CNTNAP2: variants seen among roughly 807,000 people sequenced by gnomAD.
CNTNAP2 encodes the protein contactin-associated protein-like 2.
CNTNAP2 carries 98 observed loss-of-function variants against 155.2 expected under a neutral mutation model. The ratio of observed to expected loss-of-function variants is 0.63; its 90% CI spans 0.54 to 0.75. The LOEUF (loss-of-function observed/expected upper bound fraction) is 0.75. Among genes scored for constraint, CNTNAP2 ranks in the 30% least tolerant of loss-of-function variants. The pLI, the probability that CNTNAP2 is intolerant of heterozygous loss-of-function variation, is 0.00. For missense variants in CNTNAP2, 1,727 were observed against 1,688.1 expected, an observed-to-expected ratio of 1.02 and a Z score of -0.40; for synonymous variants, 651 against 631.2, an observed-to-expected ratio of 1.03 and a Z score of -0.47.
intron 22 of CNTNAP2, among the ~76,000 whole-genome samples, chr7:148,385,743 T>TTTGTTTGTTTGTTTGTTTG (rs1433263286): frequency 9.5e-4 from 64 of 67,342 alleles, no homozygotes; most frequent in African/African-American, 3.0e-3. Flanking sequence ...CAGGTTTTTT[T>TTTGTTTGTTTGTTTGTTTG]TTTTTTTTTT....
chr7:146,525,273 A>G (rs1477290100), intron 1 of CNTNAP2, among the ~76,000 whole-genome samples: 2 of 152,082 alleles, frequency 1.3e-5, no homozygotes, highest in Admixed American at 6.6e-5. Context: ...AAAGAAATGA[A>G]GTTTTTTTCT....
intron 1 of CNTNAP2, among the ~76,000 whole-genome samples, chr7:146,518,935 C>T (rs1440969681): frequency 6.6e-6 from 1 of 151,900 alleles, no homozygotes; most frequent in Non-Finnish European, 1.5e-5. Flanking sequence ...CATGGAATGA[C>T]TTTCTTTAAC....
chr7:147,853,551 G>A (rs999772251), intron 13 of CNTNAP2, among the ~76,000 whole-genome samples: 1 of 152,270 alleles, frequency 6.6e-6, no homozygotes. Context: ...TAAATTAGAA[G>A]CTCGATTATA....
intron 20 of CNTNAP2, among the ~76,000 whole-genome samples, chr7:148,253,036 A>AGACAGAT (rs775906992): frequency 0.086 from 9,619 of 111,876 alleles, 418 homozygotes; most frequent in Admixed American, 0.15. Flanking sequence ...ATAGATAGAT[A>AGACAGAT]GATAGATAGA....
intron 1 of CNTNAP2, among the ~76,000 whole-genome samples, chr7:146,725,328 C>A (rs1030471264): frequency 7.9e-5 from 12 of 152,126 alleles, no homozygotes; most frequent in African/African-American, 2.9e-4. Context: ...GACATTATAA[C>A]AGTGAGAAAA....
chr7:147,170,340 G>T (rs1460238899), intron 8 of CNTNAP2, among the ~76,000 whole-genome samples: 1 of 152,058 alleles, frequency 6.6e-6, no homozygotes, highest in African/African-American at 2.4e-5. Context: ...TGAAGTGTGA[G>T]GGGGAGAGGG....
intron 11 of CNTNAP2, among the ~76,000 whole-genome samples, chr7:147,504,357 C>T (rs1798869338): frequency 6.6e-6 from 1 of 152,088 alleles, no homozygotes; most frequent in Non-Finnish European, 1.5e-5. Context: ...ATCATTTATT[C>T]TAGCTACCTC....
chr7:147,390,194 T>G (rs1796686621), intron 9 of CNTNAP2, among the ~76,000 whole-genome samples: 1 of 152,208 alleles, frequency 6.6e-6, no homozygotes, highest in African/African-American at 2.4e-5. Context: ...CATTGTTGAC[T>G]AAGGGAACTG....
intron 14 of CNTNAP2, among the ~76,000 whole-genome samples, chr7:147,940,738 T>C (rs144144215): frequency 2.6e-3 from 400 of 152,178 alleles, no homozygotes; most frequent in African/African-American, 9.1e-3. Flanking sequence ...ATCTCCCTGT[T>C]GCCCAGGATG....
chr7:147,249,529 TTAAA>T (rs1168780984), intron 8 of CNTNAP2, among the ~76,000 whole-genome samples: 2 of 133,758 alleles, frequency 1.5e-5, no homozygotes, highest in Admixed American at 8.4e-5. Context: ...GGTCTCTTGA[TTAAA>T]AAGAAACCAC....
chr7:147,271,570 G>T (rs931548000), intron 8 of CNTNAP2, among the ~76,000 whole-genome samples: 2 of 152,160 alleles, frequency 1.3e-5, no homozygotes, highest in African/African-American at 4.8e-5. Context: ...GAGGCTTAAT[G>T]GACTTATAGT....
At chr7:146,313,342 C>T (rs1220138027) in intron 1 of CNTNAP2, among the ~76,000 whole-genome samples, 1 of 152,120 alleles carries the variant, frequency 6.6e-6, no homozygotes, top group Non-Finnish European at 1.5e-5. Context: ...ATCTATTGGC[C>T]ATTCATATCT....
chr7:148,264,977 G>C (rs775132384), intron 20 of CNTNAP2, among the ~76,000 whole-genome samples: 6 of 152,226 alleles, frequency 3.9e-5, no homozygotes, highest in African/African-American at 1.4e-4. Context: ...ACAGGCGTAA[G>C]CCACTGCCCT....
chr7:147,195,138 C>T lies in CNTNAP2; in HGVS notation c.1348+62629C>T, dbSNP rs80229407. Among the ~76,000 whole-genome samples the T allele has an allele frequency of 4.5e-4, 68 of 152,198 alleles. No homozygotes were observed. The East Asian group carries it at 0.013, about 29-fold the overall frequency. On this transcript the variant is annotated intron_variant, in intron 8 of 23. Transcript: ENST00000361727. Reference sequence around the variant, plus strand: ...CAGTCCAGTTTCGGTTTTCTGCATACAGCTAGCCGGTTTTCCCATTACCAT... The same window carrying T: ...CAGTCCAGTTTCGGTTTTCTGCATATAGCTAGCCGGTTTTCCCATTACCAT...
chr7:147,962,444 AGATG>A (rs1801132406), intron 14 of CNTNAP2, among the ~76,000 whole-genome samples: 2 of 152,182 alleles, frequency 1.3e-5, no homozygotes, highest in Middle Eastern at 3.2e-3. Context: ...TTCCTGTTAT[AGATG>A]GAAATCATCC....
chr7:147,997,841 C>T (rs1801833076), intron 15 of CNTNAP2, among the ~76,000 whole-genome samples: 1 of 151,948 alleles, frequency 6.6e-6, no homozygotes, highest in Non-Finnish European at 1.5e-5. Context: ...GCGCAGTAGC[C>T]GCACATGCGT....
chr7:146,538,265 C>T (rs1342535650), intron 1 of CNTNAP2, among the ~76,000 whole-genome samples: 1 of 152,104 alleles, frequency 6.6e-6, no homozygotes, highest in South Asian at 2.1e-4. Flanking sequence ...CAAACAACCT[C>T]AAGTCTTTCC....
chr7:148,171,915 C>A (rs1185737624), intron 17 of CNTNAP2, among the ~76,000 whole-genome samples: 1 of 152,164 alleles, frequency 6.6e-6, no homozygotes, highest in Non-Finnish European at 1.5e-5. Flanking sequence ...GATTAAAGAG[C>A]AAAGAATCTA....
intron 10 of CNTNAP2, among the ~76,000 whole-genome samples, chr7:147,423,968 T>A (rs1161137683): frequency 6.6e-6 from 1 of 152,178 alleles, no homozygotes; most frequent in Non-Finnish European, 1.5e-5. Flanking sequence ...AAAACAGCAA[T>A]GCTGATTAAG....
Sources: allele counts gnomAD v4.1 joint callset (sites outside exome capture counted in the v4.1 genomes callset), GRCh38; gene constraint gnomAD v4.1.1; transcripts MANE v1.5; gene names NCBI Gene and HGNC (gene_info 2026-07-23, HGNC 2026-07-21).